Variants in AGAP1 observed in about 807,000 individuals in gnomAD.
The protein encoded by AGAP1 is ArfGAP with GTPase domain, ankyrin repeat and PH domain 1.
In AGAP1, 29 loss-of-function variants were observed where a neutral mutation model predicts 105.3. That is an observed-to-expected ratio of 0.28 (90% confidence interval 0.21 to 0.38). The LOEUF (loss-of-function observed/expected upper bound fraction) is 0.38. Ranked by LOEUF, AGAP1 falls within the 10% of genes least tolerant of loss-of-function variation. The probability of loss-of-function intolerance (pLI) is 1.00; values close to 1 mark genes in which losing one functional copy is unlikely to be tolerated. For missense variants in AGAP1, 998 were observed against 1,165.1 expected, an observed-to-expected ratio of 0.86 and a Z score of 2.09; for synonymous variants, 509 against 485.9, an observed-to-expected ratio of 1.05 and a Z score of -0.63.
chr2:235,579,375 A>T (rs72986863), intron 1 of AGAP1, among the ~76,000 whole-genome samples: 3,194 of 152,300 alleles, frequency 0.021, 57 homozygotes, highest in Non-Finnish European at 0.036. Context: ...TTTGGGCATG[A>T]TCAATACAGC....
At chr2:235,783,537 CTAG>C (rs1451012727) in intron 6 of AGAP1, 4 of 351,726 alleles carry the variant, frequency 1.1e-5, no homozygotes, top group Admixed American at 8.7e-5. Context: ...TCACAGGATT[CTAG>C]TATCTTGTTA....
chr2:235,512,031 A>ATGGATG (rs1559213041), intron 1 of AGAP1, among the ~76,000 whole-genome samples: 1 of 149,400 alleles, frequency 6.7e-6, no homozygotes, highest in African/African-American at 2.5e-5. Flanking sequence ...TGAGGTGTGA[A>ATGGATG]TGTGTGTGAA....
chr2:235,685,846 G>A (rs1388346200), intron 1 of AGAP1, among the ~76,000 whole-genome samples: 4 of 152,040 alleles, frequency 2.6e-5, no homozygotes, highest in Admixed American at 1.3e-4. Context: ...TGCCCGAGGT[G>A]GCCTGAGCAC....
chr2:236,008,937 G>A (rs2125551651), intron 13 of AGAP1, among the ~76,000 whole-genome samples: 1 of 152,334 alleles, frequency 6.6e-6, no homozygotes, highest in South Asian at 2.1e-4. Context: ...TACGAAGACT[G>A]TTGGCCTTGC....
rs1314437761 is a variant in AGAP1, at chr2:235,901,758, A to T, written c.1156-6980A>T. On this transcript the variant is annotated intron_variant, in intron 10 of 17. Transcript: ENST00000304032. This position sits in a 1 kb window ranked among gnomAD's most constrained non-coding sequence, Gnocchi z 4.3. ...TAGGTGAGCATAGGAACGTGCCTGT[A>T]ATCCCAGCTACTCAGGAGGCTGAGG... Among the ~76,000 whole-genome samples, 1 of 152,138 alleles carries T rather than the reference A, an allele frequency of 6.6e-6. No individual in the cohort carries two copies. Among genetic ancestry groups the T allele is most frequent in the Non-Finnish European group, 1.5e-5 (1 of 68,036 alleles).
chr2:235,993,982 GT>G lies in AGAP1; in HGVS notation c.1645+25368del, dbSNP rs201778619. Among the ~76,000 whole-genome samples the G allele has an allele frequency of 6.6e-6, 1 of 151,156 alleles. No individual in the cohort carries two copies. Among genetic ancestry groups the G allele is most frequent in the Admixed American group, 6.6e-5 (1 of 15,200 alleles). ...TGTCCTAGGAACACAGGTCCTAGGT[GT>G]TTTTTTTTAGCTTGGGAAAGTTACG... On this transcript the variant is annotated intron_variant, in intron 13 of 17. Transcript: ENST00000304032. The surrounding 1 kb of genome is among the most constrained non-coding windows in gnomAD (Gnocchi z 5.0).
chr2:235,558,199 T>C (rs1944033869), intron 1 of AGAP1, among the ~76,000 whole-genome samples: 1 of 152,186 alleles, frequency 6.6e-6, no homozygotes, highest in South Asian at 2.1e-4. Context: ...CCGCATGGGC[T>C]GTGTGTAGAG....
intron 9 of AGAP1, among the ~76,000 whole-genome samples, chr2:235,828,226 C>T (rs866460561): frequency 1.3e-5 from 2 of 152,196 alleles, no homozygotes; most frequent in Admixed American, 6.5e-5. Context: ...GAGCATTCCT[C>T]TGCACTAGGC....
intron 7 of AGAP1, among the ~76,000 whole-genome samples, chr2:235,798,718 T>A (rs1035159298): frequency 7.3e-5 from 11 of 151,714 alleles, no homozygotes; most frequent in African/African-American, 2.7e-4. Flanking sequence ...CCTCTGTATC[T>A]ACAAAAAAGA....
At position 235,515,270 on chromosome 2, in the gene AGAP1, C is replaced by T. The variant is rs1173243121; in HGVS notation, c.163+20421C>T. On this transcript the variant is annotated intron_variant, in intron 1 of 17. Transcript: ENST00000304032. ...CATAGAGGCGTTGGGATGGACTGAA[C>T]CATGGGCCCAGGGGACAGGCACAGG... is the stretch of plus-strand genomic sequence containing the variant. Among the ~76,000 whole-genome samples the T allele has an allele frequency of 5.3e-5, 8 of 152,142 alleles. No homozygotes were observed. In the South Asian group the frequency reaches 1.5e-3, roughly 28 times the overall value.
At chr2:235,682,312 G>A (rs1424577523) in intron 1 of AGAP1, among the ~76,000 whole-genome samples, 1 of 151,928 alleles carries the variant, frequency 6.6e-6, no homozygotes, top group African/African-American at 2.4e-5. Context: ...TGAGGCGTCT[G>A]GAACCAGGAT....
At chr2:235,682,152 C>T (rs553700848) in intron 1 of AGAP1, among the ~76,000 whole-genome samples, 1 of 151,676 alleles carries the variant, frequency 6.6e-6, no homozygotes, top group East Asian at 2.0e-4. Context: ...TGCTTGGCCT[C>T]GGTTTGCATA....
In AGAP1 at chr2:235,769,705, A is replaced by G. The variant is rs1955262677; in HGVS notation, c.673+19217A>G. Reference sequence around the variant, plus strand: ...CAAAATCTCGGGGAGGCAGTGAAAAAAAAACGAAAGCAGTGACTAAAGGGC... The same window carrying G: ...CAAAATCTCGGGGAGGCAGTGAAAAGAAAACGAAAGCAGTGACTAAAGGGC... On this transcript the variant is annotated intron_variant, in intron 6 of 17. Coordinates refer to ENST00000304032, the MANE Select transcript of AGAP1 (RefSeq NM_001037131.3). The surrounding 1 kb of genome is among the most constrained non-coding windows in gnomAD (Gnocchi z 4.4). 6.6e-6 allele frequency among the ~76,000 whole-genome samples: 1 copy of G among 152,100 alleles called. No homozygotes were observed. The highest frequency in any genetic ancestry group is 2.4e-5 in the African/African-American group (1 of 41,402).
intron 1 of AGAP1, among the ~76,000 whole-genome samples, chr2:235,669,200 T>C (rs1575076330): frequency 6.6e-6 from 1 of 152,314 alleles, no homozygotes; most frequent in Non-Finnish European, 1.5e-5. Flanking sequence ...CAGTCACATC[T>C]CTTTGTTCTT....
Position 235,931,510 on chromosome 2 carries a change from C to T in AGAP1, c.1483+587C>T, listed in dbSNP as rs149749596. 2.6e-5 allele frequency among the ~76,000 whole-genome samples: 4 copies of T among 151,952 alleles called. No homozygotes were observed. Among genetic ancestry groups the T allele is most frequent in the Admixed American group, 6.5e-5 (1 of 15,268 alleles). ...TAAGCATGCACGTTGGAAACGATCT[C>T]GCCGTCTGTGTGGAGCGTGAATGAC... On this transcript the variant is annotated intron_variant, in intron 12 of 17. Coordinates refer to ENST00000304032, the MANE Select transcript of AGAP1 (RefSeq NM_001037131.3). The surrounding 1 kb of genome is among the most constrained non-coding windows in gnomAD (Gnocchi z 5.6).
chr2:235,514,050 C>T (rs1356820250), intron 1 of AGAP1, among the ~76,000 whole-genome samples: 1 of 152,188 alleles, frequency 6.6e-6, no homozygotes, highest in African/African-American at 2.4e-5. Flanking sequence ...CTGTATCTTT[C>T]CTGTGGGTGT....
At chr2:235,808,374 A>C (rs1294869460) in intron 9 of AGAP1, among the ~76,000 whole-genome samples, 1 of 152,154 alleles carries the variant, frequency 6.6e-6, no homozygotes, top group African/African-American at 2.4e-5. Context: ...AAAAGGGGAG[A>C]GTCTTTCCAC....
At chr2:235,939,364 C>T (rs907534403) in intron 12 of AGAP1, among the ~76,000 whole-genome samples, 2 of 152,008 alleles carry the variant, frequency 1.3e-5, no homozygotes, top group African/African-American at 2.4e-5. Context: ...GGTAGGGCAT[C>T]CCTTCCACCT....
rs182316130 is a variant in AGAP1, at chr2:236,003,365, G to A, written c.1646-33196G>A. ...CAGCCCAGGATGCTTTCTTTTCATG[G>A]GTCTTTGTCCTTTGGAGGGCCTTGA... On this transcript the variant is annotated intron_variant, in intron 13 of 17. Coordinates refer to ENST00000304032, the MANE Select transcript of AGAP1 (RefSeq NM_001037131.3). This position sits in a 1 kb window ranked among gnomAD's most constrained non-coding sequence, Gnocchi z 4.2. Among the ~76,000 whole-genome samples the A allele has an allele frequency of 3.3e-5, 5 of 152,262 alleles. No individual in the cohort carries two copies. Among genetic ancestry groups the A allele is most frequent in the Admixed American group, 2.6e-4 (4 of 15,298 alleles).
Sources: gnomAD v4.1 joint callset for allele counts (sites outside exome capture counted in the v4.1 genomes callset) on GRCh38, gnomAD v4.1.1 for gene constraint, Gnocchi (gnomAD v3.1) non-coding constraint, MANE v1.5 for transcripts, NCBI Gene and HGNC (gene_info 2026-07-23, HGNC 2026-07-21) for gene names.